The following CSMD1 variants were observed in gnomAD, a reference collection of about 807,000 sequenced individuals.
CSMD1 encodes the protein CUB and Sushi multiple domains 1, also known as CUB and sushi domain-containing protein 1.
A neutral mutation model predicts 417.5 loss-of-function variants in CSMD1; 213 were observed. That is an observed-to-expected ratio of 0.51 (90% CI 0.46 to 0.57). The LOEUF (loss-of-function observed/expected upper bound fraction) is 0.57. Among genes scored for constraint, CSMD1 ranks in the 20% least tolerant of loss-of-function variants. The pLI is 0.00. For synonymous variants in CSMD1, 2,862 were observed against 1,736.8 expected (o/e 1.65, Z -16.11); for missense variants, 6,923 against 4,529.7 (o/e 1.53, Z -15.17).
At chr8:4,838,417 G>C (rs10100062) in intron 1 of CSMD1, among the ~76,000 whole-genome samples, 61,323 of 152,036 alleles carry the variant, frequency 0.4, 14,016 homozygotes, top group East Asian at 0.68. Flanking sequence ...TTGTTCTATG[G>C]TAATTAAGCA....
intron 3 of CSMD1, among the ~76,000 whole-genome samples, chr8:4,393,608 A>G (rs936536690): frequency 1.3e-5 from 2 of 152,160 alleles, no homozygotes; most frequent in Non-Finnish European, 2.9e-5. Context: ...GAGTTTGGTA[A>G]AGTGTCATTG....
At chr8:3,889,406 A>G (rs1392697474) in intron 5 of CSMD1, among the ~76,000 whole-genome samples, 8 of 140,688 alleles carry the variant, frequency 5.7e-5, no homozygotes, top group African/African-American at 1.0e-4. Flanking sequence ...ACATTAAATA[A>G]TGCCTTCCAC....
intron 3 of CSMD1, among the ~76,000 whole-genome samples, chr8:4,376,997 C>T (rs1238005535): frequency 6.6e-6 from 1 of 151,738 alleles, no homozygotes; most frequent in Non-Finnish European, 1.5e-5. Flanking sequence ...GAAGCTGTGC[C>T]CCGGGACACA....
chr8:3,095,888 TC>T (rs1202915960), intron 47 of CSMD1, among the ~76,000 whole-genome samples: 2 of 152,256 alleles, frequency 1.3e-5, no homozygotes, highest in African/African-American at 4.8e-5. Context: ...TGCAAAAAAA[TC>T]ATAAGACTAT....
At chr8:3,841,601 G>C (rs927469011) in intron 5 of CSMD1, among the ~76,000 whole-genome samples, 12 of 151,828 alleles carry the variant, frequency 7.9e-5, no homozygotes, top group Non-Finnish European at 1.2e-4. Flanking sequence ...CACTAGAAAG[G>C]ATTTTAGAAC....
intron 5 of CSMD1, among the ~76,000 whole-genome samples, chr8:3,905,441 A>T (rs1405472270): frequency 6.6e-6 from 1 of 152,208 alleles, no homozygotes; most frequent in Non-Finnish European, 1.5e-5. Context: ...TCACTGTGCA[A>T]TGTAAGACCC....
chr8:3,132,758 C>T (rs1321360677), intron 41 of CSMD1, among the ~76,000 whole-genome samples: 1 of 152,194 alleles, frequency 6.6e-6, no homozygotes, highest in Non-Finnish European at 1.5e-5. Flanking sequence ...CCTTCCCTCA[C>T]TCTCTCCTAA....
intron 7 of CSMD1, among the ~76,000 whole-genome samples, chr8:3,621,786 T>C (rs998060096): frequency 6.6e-6 from 1 of 151,682 alleles, no homozygotes; most frequent in Non-Finnish European, 1.5e-5. Flanking sequence ...ATTATTATTA[T>C]TTTGTAGAAA....
chr8:3,571,089 C>G (rs1480145439), intron 10 of CSMD1, among the ~76,000 whole-genome samples: 1 of 152,178 alleles, frequency 6.6e-6, no homozygotes, highest in African/African-American at 2.4e-5. Context: ...TTTTAAAACT[C>G]TGTAATGGCA....
intron 12 of CSMD1, among the ~76,000 whole-genome samples, chr8:3,421,052 A>G (rs1458225047): frequency 2.0e-5 from 3 of 152,212 alleles, no homozygotes; most frequent in Non-Finnish European, 4.4e-5. Context: ...GGTGGTGGTC[A>G]TTTTATTACA....
At chr8:3,959,484 G>A (rs186502473) in intron 5 of CSMD1, among the ~76,000 whole-genome samples, 1 of 152,198 alleles carries the variant, frequency 6.6e-6, no homozygotes, top group African/African-American at 2.4e-5. Context: ...GGATGACTGA[G>A]CGAGACTCCG....
intron 47 of CSMD1, among the ~76,000 whole-genome samples, chr8:3,096,366 C>T (rs544121986): frequency 6.7e-6 from 1 of 148,870 alleles, no homozygotes; most frequent in Admixed American, 6.7e-5. Flanking sequence ...TGGGTCTTTC[C>T]CATGCTGTTC....
At chr8:3,536,955 C>G (rs909135604) in intron 10 of CSMD1, among the ~76,000 whole-genome samples, 3 of 152,124 alleles carry the variant, frequency 2.0e-5, no homozygotes, top group African/African-American at 7.2e-5. Flanking sequence ...TTACTGGGAG[C>G]TTTCACATGC....
chr8:4,143,043 T>C (rs1490214802), intron 3 of CSMD1, among the ~76,000 whole-genome samples: 1 of 150,244 alleles, frequency 6.7e-6, no homozygotes, highest in Admixed American at 6.6e-5. Flanking sequence ...TCCAACCCAA[T>C]CACACAAACA....
chr8:4,868,185 C>G (rs546278485), intron 1 of CSMD1, among the ~76,000 whole-genome samples: 1 of 152,216 alleles, frequency 6.6e-6, no homozygotes, highest in South Asian at 2.1e-4. Context: ...CATATGCAAA[C>G]TGTTTAGAAA....
intron 3 of CSMD1, among the ~76,000 whole-genome samples, chr8:4,340,596 C>A (rs1309507866): frequency 2.6e-5 from 4 of 152,124 alleles, no homozygotes; most frequent in African/African-American, 4.8e-5. Context: ...GATTTCTTCA[C>A]AGTACTCTTG....
intron 1 of CSMD1, among the ~76,000 whole-genome samples, chr8:4,688,700 G>A (rs915109827): frequency 6.6e-6 from 1 of 152,022 alleles, no homozygotes; most frequent in African/African-American, 2.4e-5. Flanking sequence ...TATGAGATTC[G>A]TGTAGCACTC....
At chr8:4,629,573 T>C (rs976722826) in intron 2 of CSMD1, among the ~76,000 whole-genome samples, 65 of 152,224 alleles carry the variant, frequency 4.3e-4, no homozygotes, top group African/African-American at 1.5e-3. Flanking sequence ...CGTTTGCCTT[T>C]TGAATGTTAA....
intron 3 of CSMD1, among the ~76,000 whole-genome samples, chr8:4,244,094 G>A (rs1802555688): frequency 6.6e-6 from 1 of 152,178 alleles, no homozygotes; most frequent in Admixed American, 6.5e-5. Context: ...CTGTGCATCT[G>A]AAGATGACTA....
Sources: allele counts gnomAD v4.1 joint callset (sites outside exome capture counted in the v4.1 genomes callset), GRCh38; gene constraint gnomAD v4.1.1; transcripts MANE v1.5; gene names NCBI Gene and HGNC (gene_info 2026-07-23, HGNC 2026-07-21).